The following ZNF367 variants were observed in gnomAD, a reference collection of about 807,000 sequenced individuals.
The protein encoded by ZNF367 is zinc finger protein 367, also known as C2H2 zinc finger protein ZFF29.
ZNF367 carries 11 observed loss-of-function variants against 31.8 expected under a neutral mutation model. The observed-to-expected ratio is 0.35, with a 90% CI of 0.22 to 0.57. The LOEUF is 0.57. ZNF367 is among the 20% of genes least tolerant of loss of function. ZNF367 has a pLI of 0.85. For missense variants in ZNF367, 353 were observed against 484.1 expected (o/e 0.73, Z 2.54); for synonymous variants, 199 against 202.4 (o/e 0.98, Z 0.14).
chr9:96,399,155 G>A (rs912959719), intron 1 of ZNF367, among the ~76,000 whole-genome samples: 36 of 152,058 alleles, frequency 2.4e-4, no homozygotes, highest in Admixed American at 3.9e-4. Context: ...CCCAGGGCAG[G>A]AAGCATGCTC....
At chr9:96,403,037 T>C (rs1414088536) in intron 1 of ZNF367, among the ~76,000 whole-genome samples, 1 of 151,870 alleles carries the variant, frequency 6.6e-6, no homozygotes, top group African/African-American at 2.4e-5. Flanking sequence ...TGGCATGATC[T>C]CAGCTCATTG....
intron 1 of ZNF367, among the ~76,000 whole-genome samples, chr9:96,405,612 A>G (rs1831663569): frequency 6.6e-6 from 1 of 152,172 alleles, no homozygotes; most frequent in South Asian, 2.1e-4. Context: ...TATATAATGA[A>G]ATTATTCAGC....
intron 2 of ZNF367, 83 bp from the exon 3 acceptor site, chr9:96,395,025 T>C (rs1258685925): frequency 1.1e-5 from 16 of 1,494,456 alleles, no homozygotes; most frequent in Non-Finnish European, 1.4e-5. Context: ...AGCCTTTATA[T>C]AGGTCATGAC....
chr9:96,410,437 CT>C (rs1445470901), intron 1 of ZNF367, among the ~76,000 whole-genome samples: 1 of 149,988 alleles, frequency 6.7e-6, no homozygotes. Flanking sequence ...TGGCGGGTGC[CT>C]GTAGTCCCAG....
chr9:96,411,710 C>T (rs1292815267), intron 1 of ZNF367, among the ~76,000 whole-genome samples: 1 of 152,126 alleles, frequency 6.6e-6, no homozygotes, highest in Non-Finnish European at 1.5e-5. Context: ...CTGCCACCAG[C>T]AACACATTTA....
chr9:96,417,940 C>T lies in ZNF367; in HGVS notation c.93G>A (p.Leu31=), dbSNP rs780725736. The change falls in exon 1 of 5, where the codon CTG becomes CTA. Residue 31 remains leucine, a synonymous_variant. Coordinates refer to ENST00000375256, the MANE Select transcript of ZNF367 (RefSeq NM_153695.4). The surrounding 1 kb of genome is among the most constrained non-coding windows in gnomAD (Gnocchi z 5.0). The part of the protein sequence containing the change: ...IFCHDSPKRV[L]VSVIRTTPIK... Reference sequence around the variant, plus strand: ...TCGGGGTCGTCCTGATGACCGACACCAGCACCCGCTTCGGGGAGTCGTGGC... The same window carrying T: ...TCGGGGTCGTCCTGATGACCGACACTAGCACCCGCTTCGGGGAGTCGTGGC... 6.0e-6 allele frequency: 9 copies of T among 1,509,070 alleles called. No individual in the cohort carries two copies. The Admixed American group carries it at 1.5e-4, about 25-fold the overall frequency. 93.5% of individuals were successfully genotyped at this position (1,509,070 alleles called of 1,614,324 possible). A position where few individuals can be genotyped will look rare whatever the true frequency, so the allele number is the denominator to read the frequency against.
intron 3 of ZNF367, among the ~76,000 whole-genome samples, chr9:96,393,296 G>A (rs965311863): frequency 6.6e-6 from 1 of 152,108 alleles, no homozygotes; most frequent in African/African-American, 2.4e-5. Context: ...GGCCGAGGCG[G>A]GTGGATCACC....
intron 1 of ZNF367, among the ~76,000 whole-genome samples, chr9:96,405,856 G>A (rs995658905): frequency 6.6e-6 from 1 of 152,092 alleles, no homozygotes; most frequent in South Asian, 2.1e-4. Context: ...AAAATGTTTT[G>A]GAACTCTTAG....
At chr9:96,406,104 G>C (rs1831668168) in intron 1 of ZNF367, among the ~76,000 whole-genome samples, 1 of 152,152 alleles carries the variant, frequency 6.6e-6, no homozygotes, top group African/African-American at 2.4e-5. Context: ...TACCTTCACA[G>C]CTTTTCTATA....
chr9:96,418,362 C>CGCCGCGGTGCCT lies in ZNF367; in HGVS notation c.-331_-330insAGGCACCGCGGC. Reference sequence around the variant, plus strand: ...TGAGCCCCCAAAAATAACAACCTGCCGCCGCGGTGCCTGCCCCGGCTTTTC... The same window carrying CGCCGCGGTGCCT: ...TGAGCCCCCAAAAATAACAACCTGCCGCCGCGGTGCCTGCCGCGGTGCCTGCCCCGGCTTTTC... On this transcript the variant is annotated 5_prime_UTR_variant, in exon 1 of 5. Transcript: ENST00000375256. 1 of 317,030 alleles carries CGCCGCGGTGCCT rather than the reference C, an allele frequency of 3.2e-6. No individual in the cohort carries two copies. 19.6% of individuals were successfully genotyped at this position (317,030 alleles called of 1,614,324 possible). A position where few individuals can be genotyped will look rare whatever the true frequency, so the allele number is the denominator to read the frequency against.
At chr9:96,410,616 C>T (rs1306009819) in intron 1 of ZNF367, among the ~76,000 whole-genome samples, 4 of 150,738 alleles carry the variant, frequency 2.7e-5, no homozygotes, top group Non-Finnish European at 4.4e-5. Context: ...TGGCTCACGC[C>T]TGTAATCCCA....
chr9:96,411,029 T>G (rs1238296303), intron 1 of ZNF367, among the ~76,000 whole-genome samples: 1 of 144,642 alleles, frequency 6.9e-6, no homozygotes, highest in Non-Finnish European at 1.5e-5. Flanking sequence ...TGACTCCATC[T>G]CTACAAAAAA....
At chr9:96,393,979 G>T (rs187545212) in intron 3 of ZNF367, among the ~76,000 whole-genome samples, 2 of 152,160 alleles carry the variant, frequency 1.3e-5, no homozygotes, top group Non-Finnish European at 2.9e-5. Flanking sequence ...CAGATTGCAC[G>T]GAACTTCAAA....
intron 4 of ZNF367, among the ~76,000 whole-genome samples, chr9:96,391,134 T>C (rs1008497381): frequency 6.6e-6 from 1 of 152,220 alleles, no homozygotes; most frequent in Non-Finnish European, 1.5e-5. Flanking sequence ...TATGTATTTT[T>C]ATCCAAACAA....
At position 96,388,437 on chromosome 9, in the gene ZNF367, G is replaced by A. The variant is rs771856080; in HGVS notation, c.853C>T (p.Arg285Cys). ...LARYWEMREQ[R>C]TPTLKGKLVQ... is the part of the protein sequence containing the mutation. ...AGCTTGCCTTTCAAAGTGGGGGTGC[G>A]CTGCTCTCTCATTTCCCAATACCTA... Residue 285 changes from arginine to cysteine, a missense_variant, in exon 5 of 5, where the codon CGC becomes TGC. By Grantham distance (180) the Arg-to-Cys change is radical. This residue lies in a region of ZNF367 where 101 missense variants were observed against 140.0 expected (regional missense o/e 0.72). Transcript: ENST00000375256. 12 of 1,613,694 alleles carry A rather than the reference G, an allele frequency of 7.4e-6. No homozygotes were observed. Among genetic ancestry groups the A allele is most frequent in the Admixed American group, 1.7e-5 (1 of 59,952 alleles).
At position 96,417,317 on chromosome 9, in the gene ZNF367, CG is replaced by C. The variant is rs1439762723; in HGVS notation, c.420+295del. Among the ~76,000 whole-genome samples the C allele has an allele frequency of 6.6e-6, 1 of 152,110 alleles. No individual in the cohort carries two copies. The highest frequency in any genetic ancestry group is 1.5e-5 in the Non-Finnish European group (1 of 68,012). Reference sequence around the variant, plus strand: ...TCTCGGAACTGAGGACTCGGCAGCCCGCCGGGAGGATGTCAGTGGCCGTTGA... The same window carrying C: ...TCTCGGAACTGAGGACTCGGCAGCCCCCGGGAGGATGTCAGTGGCCGTTGA... On this transcript the variant is annotated intron_variant, in intron 1 of 4. Transcript: ENST00000375256. This position sits in a 1 kb window ranked among gnomAD's most constrained non-coding sequence, Gnocchi z 5.0.
chr9:96,413,139 T>A (rs1831773587), intron 1 of ZNF367, among the ~76,000 whole-genome samples: 1 of 152,232 alleles, frequency 6.6e-6, no homozygotes, highest in Non-Finnish European at 1.5e-5. Context: ...AAGGTTCCGA[T>A]CAGTTCTGCC....
At chr9:96,412,371 G>T (rs1427942806) in intron 1 of ZNF367, among the ~76,000 whole-genome samples, 1 of 152,202 alleles carries the variant, frequency 6.6e-6, no homozygotes, top group Admixed American at 6.5e-5. Context: ...GTTTAGTCAT[G>T]TGATAACTAA....
intron 1 of ZNF367, among the ~76,000 whole-genome samples, chr9:96,410,554 T>C (rs1368180951): frequency 8.2e-5 from 7 of 84,874 alleles, no homozygotes; most frequent in South Asian, 9.9e-4. Context: ...AGAGAGAGAC[T>C]CCGTCTCAAA....
Sources: allele counts gnomAD v4.1 joint callset (sites outside exome capture counted in the v4.1 genomes callset), GRCh38; gene constraint gnomAD v4.1.1; regional missense constraint gnomAD v4.1.1; non-coding constraint Gnocchi (gnomAD v3.1); transcripts MANE v1.5; gene names NCBI Gene and HGNC (gene_info 2026-07-23, HGNC 2026-07-21).